The following ECPAS variants were observed in gnomAD, a reference collection of about 807,000 sequenced individuals.
The protein encoded by ECPAS is proteasome adapter and scaffold protein ECM29.
Under a neutral mutation model 255.1 loss-of-function variants are expected in ECPAS, and 70 were observed. The ratio of observed to expected loss-of-function variants is 0.27; its 90% CI spans 0.23 to 0.33. ECPAS has a LOEUF of 0.33. ECPAS is among the 10% of genes least tolerant of loss of function. ECPAS has a pLI of 1.00. For missense variants in ECPAS, 1,817 were observed against 2,206.4 expected (o/e 0.82, Z 3.54); for synonymous variants, 784 against 775.0 (o/e 1.01, Z -0.19).
chr9:111,407,428 A>AAAAG (rs1554786299), intron 24 of ECPAS, among the ~76,000 whole-genome samples: 5,181 of 98,724 alleles, frequency 0.052, 501 homozygotes, highest in Non-Finnish European at 0.11. Flanking sequence ...AAAAAAAAAA[A>AAAAG]AAAAAAAAAA....
Position 111,484,104 on chromosome 9 carries a change from C to T in ECPAS, c.-83+12G>A, listed in dbSNP as rs752154598. ...GGGCCAGTCCCCCGCGGCCCGGGGG[C>T]GGGCCTCTGACCTGAGTCGGAGCCG... On this transcript the variant is annotated intron_variant, in intron 1 of 49. Transcript: ENST00000684092. The T allele has an allele frequency of 1.5e-3, 2,086 of 1,354,998 alleles. 13 individuals are homozygous for T. Among genetic ancestry groups the T allele is most frequent in the South Asian group, 4.9e-3 (293 of 59,958 alleles). 83.9% of individuals were successfully genotyped at this position (1,354,998 alleles called of 1,614,324 possible).
intron 35 of ECPAS, among the ~76,000 whole-genome samples, 184 bp from the exon 36 acceptor site, chr9:111,378,914 T>TA (rs1329782464): frequency 6.6e-6 from 1 of 152,098 alleles, no homozygotes; most frequent in Non-Finnish European, 1.5e-5. Flanking sequence ...TATATAGAGG[T>TA]AGGTAGAATG....
chr9:111,375,258 T>A lies in ECPAS; in HGVS notation c.4021-56A>T, dbSNP rs934120797. 4.4e-6 allele frequency: 6 copies of A among 1,366,040 alleles called. No homozygotes were observed. In the African/African-American group the frequency reaches 7.1e-5, roughly 16 times the overall value. 84.6% of individuals were successfully genotyped at this position (1,366,040 alleles called of 1,614,324 possible). A position where few individuals can be genotyped will look rare whatever the true frequency, so the allele number is the denominator to read the frequency against. On this transcript the variant is annotated intron_variant, in intron 37 of 49. Transcript: ENST00000684092. ...CCTTGGCAAATAAGTCAGGACCACA[T>A]CTTCAATTAAAAACTGCCCTTGTCA...
At chr9:111,387,687 T>C (rs1741048389) in intron 31 of ECPAS, among the ~76,000 whole-genome samples, 1 of 151,770 alleles carries the variant, frequency 6.6e-6, no homozygotes, top group Non-Finnish European at 1.5e-5. Flanking sequence ...GTCTCACTCA[T>C]CGTCAGTGCA....
chr9:111,417,235 G>A (rs2098205208), intron 17 of ECPAS, among the ~76,000 whole-genome samples: 1 of 150,626 alleles, frequency 6.6e-6, no homozygotes, highest in Non-Finnish European at 1.5e-5. Flanking sequence ...GCAAGACCCT[G>A]TCTCAAAAAA....
At position 111,414,505 on chromosome 9, in the gene ECPAS, T is replaced by C. The variant is rs2098199988; in HGVS notation, c.1911A>G (p.Ser637=). The C allele has an allele frequency of 1.9e-6, 3 of 1,613,982 alleles. 1 individual carries two copies. In the South Asian group the frequency reaches 3.3e-5, roughly 18 times the overall value. The change falls in exon 19 of 50, where the codon TCA becomes TCG. Residue 637 remains serine, a synonymous_variant. Transcript: ENST00000684092. ...GGTTAGTCTCCCCACTCTTGTTAGATGATGAGGGTGCCATCTGCCCGCTTG... is the reference window on the plus strand; with the variant it reads ...GGTTAGTCTCCCCACTCTTGTTAGACGATGAGGGTGCCATCTGCCCGCTTG... The part of the protein sequence containing the change: ...LMSSGQMAPS[S]SNKSGETNPV...
chr9:111,431,526 C>G (rs1471714358), intron 8 of ECPAS, among the ~76,000 whole-genome samples: 1 of 150,912 alleles, frequency 6.6e-6, no homozygotes, highest in Non-Finnish European at 1.5e-5. Context: ...CCACTGCACT[C>G]CAGCCTGTGT....
intron 31 of ECPAS, 73 bp from the exon 32 acceptor site, chr9:111,386,529 A>C: frequency 1.2e-6 from 1 of 856,782 alleles, no homozygotes; most frequent in Non-Finnish European, 1.9e-6. Flanking sequence ...TCTTAACCAC[A>C]CTGGTTAACC....
intron 45 of ECPAS, 98 bp downstream of exon 45, chr9:111,370,337 G>C (rs2098125802): frequency 1.3e-6 from 1 of 768,804 alleles, no homozygotes; most frequent in East Asian, 2.7e-5. Flanking sequence ...GCTACTTGCA[G>C]CTAAACTAAT....
chr9:111,410,880 T>C (rs1358395945), intron 22 of ECPAS, 100 bp downstream of exon 22: 2 of 1,244,236 alleles, frequency 1.6e-6, no homozygotes, highest in East Asian at 2.3e-5. Context: ...GCTTGTGTCT[T>C]TTCAAATACA....
Position 111,366,603 on chromosome 9 carries a change from T to C in ECPAS, c.5138A>G (p.Lys1713Arg). The C allele has an allele frequency of 6.2e-7, 1 of 1,612,970 alleles. No homozygotes were observed. The highest frequency in any genetic ancestry group is 8.5e-7 in the Non-Finnish European group (1 of 1,179,360). ...TQRCYRQELC[K>R]LMCERLKLST... Reference sequence around the variant, plus strand: ...GAGTTTTAGCCGTTCACACATCAGTTTGCACAGCTCCTGACGATAACAACC... The same window carrying C: ...GAGTTTTAGCCGTTCACACATCAGTCTGCACAGCTCCTGACGATAACAACC... The change falls in exon 47 of 50, where the codon AAA (lysine) becomes AGA (arginine). Residue 1713 changes from lysine (K) to arginine (R), a missense_variant. This residue lies in a region of ECPAS where 960 missense variants were observed against 1,179.0 expected (regional missense o/e 0.81). Transcript: ENST00000684092.
In ECPAS at chr9:111,408,634, T is replaced by C. The variant is rs1047596555; in HGVS notation, c.2589A>G (p.Pro863=). The change falls in exon 24 of 50, where the codon CCA becomes CCG. Residue 863 remains proline, a synonymous_variant. Coordinates refer to ENST00000684092, the MANE Select transcript of ECPAS (RefSeq NM_001364929.1). ...GGTGAGGAAAATCTCCATCCCCAACTGGAAAATATCCCAGTGTTTGGATTG... is the reference window on the plus strand; with the variant it reads ...GGTGAGGAAAATCTCCATCCCCAACCGGAAAATATCCCAGTGTTTGGATTG... ...ERAIQTLGYF[P]VGDGDFPHQK... 2 of 1,594,516 alleles carry C rather than the reference T, an allele frequency of 1.3e-6. No individual in the cohort carries two copies. The highest frequency in any genetic ancestry group is 8.5e-7 in the Non-Finnish European group (1 of 1,170,718).
At chr9:111,452,236 G>GTTAAACTA (rs2098261265) in intron 2 of ECPAS, among the ~76,000 whole-genome samples, 1 of 152,150 alleles carries the variant, frequency 6.6e-6, no homozygotes, top group African/African-American at 2.4e-5. Context: ...ATTGTTTTAG[G>GTTAAACTA]TACTATAATG....
chr9:111,366,730 G>T, intron 46 of ECPAS, 103 bp from the exon 47 acceptor site: 1 of 709,954 alleles, frequency 1.4e-6, no homozygotes, highest in Non-Finnish European at 2.5e-6. Flanking sequence ...AAGGAAGAGG[G>T]AAAGAGAAAG....
chr9:111,415,702 C>CA lies in ECPAS; in HGVS notation c.1764+569dup, dbSNP rs34227645. On this transcript the variant is annotated intron_variant, in intron 18 of 49. Coordinates refer to ENST00000684092, the MANE Select transcript of ECPAS (RefSeq NM_001364929.1). ...CGGGCAACAGAGTGAGACTCCTTCT[C>CA]AAAAAAAAAAAAAACCAAACAAACA... Among the ~76,000 whole-genome samples the CA allele has an allele frequency of 4.7e-3, 550 of 118,148 alleles. 2 individuals carry two copies. The highest frequency in any genetic ancestry group is 6.7e-3 in the African/African-American group (199 of 29,880). The allele number at this position is 118,148 out of a possible 152,430, so 77.5% of individuals were successfully genotyped here.
rs2098244133 is a variant in ECPAS at position 111,440,351 on chromosome 9, T to C, written c.539+21A>G. 2.5e-6 allele frequency: 4 copies of C among 1,581,438 alleles called. No individual in the cohort carries two copies. The South Asian group carries it at 4.6e-5, about 18-fold the overall frequency. ...TAGTAAAAGCAGTCAAGAACAAGGTTGCTTTTATTTTTTAACTCACCCATA... is the reference window on the plus strand; with the variant it reads ...TAGTAAAAGCAGTCAAGAACAAGGTCGCTTTTATTTTTTAACTCACCCATA... On this transcript the variant is annotated intron_variant, in intron 6 of 49. Transcript: ENST00000684092.
At chr9:111,442,719 C>T (rs545128814) in intron 4 of ECPAS, among the ~76,000 whole-genome samples, 1 of 152,284 alleles carries the variant, frequency 6.6e-6, no homozygotes, top group African/African-American at 2.4e-5. Flanking sequence ...AATAATCAAC[C>T]TATTTACACC....
At chr9:111,382,222 T>TAA (rs2098141454) in intron 35 of ECPAS, among the ~76,000 whole-genome samples, 1 of 151,540 alleles carries the variant, frequency 6.6e-6, no homozygotes, top group Non-Finnish European at 1.5e-5. Context: ...TAATGATCAC[T>TAA]ACTTAGATTA....
chr9:111,416,584 T>C (rs1353187334), intron 17 of ECPAS, among the ~76,000 whole-genome samples: 2 of 152,182 alleles, frequency 1.3e-5, no homozygotes, highest in Non-Finnish European at 2.9e-5. Flanking sequence ...TTAAAAATAA[T>C]AAACCTATTC....
Sources: gnomAD v4.1 joint callset for allele counts (sites outside exome capture counted in the v4.1 genomes callset) on GRCh38, gnomAD v4.1.1 for gene constraint, gnomAD v4.1.1 regional missense constraint, MANE v1.5 for transcripts, NCBI Gene and HGNC (gene_info 2026-07-23, HGNC 2026-07-21) for gene names.